Variants in POLE4 observed in about 807,000 individuals in gnomAD.
POLE4 encodes DNA polymerase epsilon subunit 4.
In POLE4, 15 loss-of-function variants were observed where a neutral mutation model predicts 15.6. That is an observed-to-expected ratio of 0.96 (90% CI 0.64 to 1.48). The LOEUF is 1.48. POLE4 is among the 40% of genes most tolerant of loss of function. The pLI, the probability that POLE4 is intolerant of heterozygous loss-of-function variation, is 0.00. For synonymous variants in POLE4, 83 were observed against 63.2 expected (o/e 1.31, Z -1.49); for missense variants, 205 against 151.9 (o/e 1.35, Z -1.84).
At chr2:74,965,090 A>ATTTTTTTTT (rs35849174) in intron 3 of POLE4, among the ~76,000 whole-genome samples, 1 of 124,940 alleles carries the variant, frequency 8.0e-6, no homozygotes, top group African/African-American at 3.1e-5. Flanking sequence ...CTTTTTATCT[A>ATTTTTTTTT]TTTTTTTTTT....
chr2:74,968,619 G>A (rs1292898189), intron 3 of POLE4, among the ~76,000 whole-genome samples: 1 of 150,290 alleles, frequency 6.7e-6, no homozygotes, highest in Non-Finnish European at 1.5e-5. Flanking sequence ...AGAGCCCTGT[G>A]ATCTTTGTTT....
intron 3 of POLE4, among the ~76,000 whole-genome samples, chr2:74,967,334 T>C (rs1287807420): frequency 6.6e-6 from 1 of 152,028 alleles, no homozygotes; most frequent in Non-Finnish European, 1.5e-5. Flanking sequence ...TTTTTTTTTT[T>C]TAGTTTCAGT....
chr2:74,960,784 A>T (rs1489095084), intron 3 of POLE4, among the ~76,000 whole-genome samples: 4 of 152,260 alleles, frequency 2.6e-5, no homozygotes, highest in Admixed American at 2.6e-4. Flanking sequence ...GACTGCTCAC[A>T]TGAGGGTGGT....
Position 74,958,893 on chromosome 2 carries a change from G to T in POLE4, c.213+1G>T. The T allele has an allele frequency of 6.4e-7, 1 of 1,553,748 alleles. No individual in the cohort carries two copies. Among genetic ancestry groups the T allele is most frequent in the Non-Finnish European group, 8.7e-7 (1 of 1,148,198 alleles). On this transcript the variant is annotated splice_donor_variant, in intron 1 of 3. Transcript: ENST00000483063. LOFTEE classifies it high-confidence loss of function. Reference sequence around the variant, plus strand: ...CATCTTCATTCTGGCACGAGCCGCGGTGCGCCTGCAGCGCGAGGGCATGCG... The same window carrying T: ...CATCTTCATTCTGGCACGAGCCGCGTTGCGCCTGCAGCGCGAGGGCATGCG...
At chr2:74,968,960 G>A (rs1671328886) in intron 3 of POLE4, among the ~76,000 whole-genome samples, 1 of 151,950 alleles carries the variant, frequency 6.6e-6, no homozygotes, top group Admixed American at 6.6e-5. Context: ...ATTTGTTGTA[G>A]ATTTATACTT....
chr2:74,968,436 G>A (rs1671323603), intron 3 of POLE4, among the ~76,000 whole-genome samples: 1 of 152,066 alleles, frequency 6.6e-6, no homozygotes, highest in Non-Finnish European at 1.5e-5. Flanking sequence ...GTGTGTATGG[G>A]ATGAGGGGGT....
rs1221126266 is a variant in POLE4 at position 74,970,008 on chromosome 2, A to G, written c.*586A>G. 2 of 152,508 alleles carry G rather than the reference A, an allele frequency of 1.3e-5. No homozygotes were observed. Among genetic ancestry groups the G allele is most frequent in the East Asian group, 1.9e-4 (1 of 5,206 alleles). 9.4% of individuals were successfully genotyped at this position (152,508 alleles called of 1,614,324 possible). On this transcript the variant is annotated 3_prime_UTR_variant, in exon 4 of 4. Coordinates refer to ENST00000483063, the MANE Select transcript of POLE4 (RefSeq NM_019896.4). ...ATTTATTGACATATCCACATACTCT[A>G]TATTTCACCAATTTAAAGTGTACAA...
In POLE4 at chr2:74,958,789, G is replaced by T. The variant is rs1425245599; in HGVS notation, c.110G>T (p.Arg37Leu). ...GCCCCAACGAGTGTGCCTGGGGCTC[G>T]TCTCTCGAGGTTGCCTCTGGCGCGA... ...PQAPTSVPGA[R>L]LSRLPLARVK... The change falls in exon 1 of 4, where the codon CGT becomes CTT. Residue 37 changes from arginine to leucine, a missense_variant. Physicochemically the swap from Arg to Leu is moderately radical, Grantham distance 102. Transcript: ENST00000483063. The T allele has an allele frequency of 1.3e-6, 2 of 1,551,536 alleles. No individual in the cohort carries two copies. Among genetic ancestry groups the T allele is most frequent in the Admixed American group, 3.9e-5 (2 of 51,072 alleles).
At chr2:74,968,033 G>A (rs552833337) in intron 3 of POLE4, among the ~76,000 whole-genome samples, 53 of 152,254 alleles carry the variant, frequency 3.5e-4, no homozygotes, top group African/African-American at 1.1e-3. Context: ...ACAAATAACC[G>A]CCCAGTTTCT....
chr2:74,959,124 C>A, intron 1 of POLE4: 1 of 610,002 alleles, frequency 1.6e-6, no homozygotes, highest in Non-Finnish European at 2.9e-6. Flanking sequence ...TCCAGGGCCT[C>A]GTACAGAACT....
chr2:74,959,797 A>G (rs1250000323), intron 2 of POLE4: 6 of 457,628 alleles, frequency 1.3e-5, no homozygotes, highest in Admixed American at 3.9e-5. Context: ...CCCTGCGTCT[A>G]TTGCCACGTT....
intron 3 of POLE4, chr2:74,961,234 C>CT (rs1008035407): frequency 6.6e-6 from 1 of 152,236 alleles, no homozygotes; most frequent in African/African-American, 2.4e-5. Flanking sequence ...TTATTCCACT[C>CT]TTTTTTACTC....
At chr2:74,965,940 A>G (rs1290444205) in intron 3 of POLE4, among the ~76,000 whole-genome samples, 4 of 152,194 alleles carry the variant, frequency 2.6e-5, no homozygotes, top group East Asian at 3.8e-4. Flanking sequence ...GTCTGTGTCT[A>G]TAACTGGAGC....
chr2:74,959,367 A>C lies in POLE4; in HGVS notation c.240A>C (p.Lys80Asn). The change falls in exon 2 of 4, where the codon AAA (lysine) becomes AAC (asparagine). Residue 80 changes from lysine (K) to asparagine (N), a missense_variant. By Grantham distance (94) the Lys-to-Asn change is moderately conservative (BLOSUM62 0). Coordinates refer to ENST00000483063, the MANE Select transcript of POLE4 (RefSeq NM_019896.4). ...AAELFVETIA[K>N]DAYCCAQQGK... ...AACTGTTTGTGGAGACCATTGCAAA[A>C]GATGCCTACTGTTGCGCTCAGCAGG... 6.2e-7 allele frequency: 1 copy of C among 1,613,902 alleles called. No homozygotes were observed. The highest frequency in any genetic ancestry group is 2.2e-5 in the East Asian group (1 of 44,880).
chr2:74,966,990 T>G (rs531650005), intron 3 of POLE4, among the ~76,000 whole-genome samples: 1 of 152,322 alleles, frequency 6.6e-6, no homozygotes, highest in East Asian at 1.9e-4. Flanking sequence ...AGTTTATCCT[T>G]TTTGTTTTTT....
intron 3 of POLE4, among the ~76,000 whole-genome samples, chr2:74,967,105 A>G (rs1209768561): frequency 6.6e-6 from 1 of 152,142 alleles, no homozygotes; most frequent in East Asian, 1.9e-4. Context: ...GAATCTATAG[A>G]TTAATGTCTT....
At position 74,960,173 on chromosome 2, in the gene POLE4, T is replaced by A. The variant is rs1014417532; in HGVS notation, c.340+27T>A. The A allele has an allele frequency of 1.9e-6, 3 of 1,586,614 alleles. No homozygotes were observed. The African/African-American group carries it at 4.0e-5, about 21-fold the overall frequency. ...TGAGTTCCCTCTCAGTGGGCAATCATTTCCGCCTGTCTTTTGCATGTTGAT... is the reference window on the plus strand; with the variant it reads ...TGAGTTCCCTCTCAGTGGGCAATCAATTCCGCCTGTCTTTTGCATGTTGAT... On this transcript the variant is annotated intron_variant, in intron 3 of 3. Transcript: ENST00000483063.
chr2:74,960,146 G>A lies in POLE4; in HGVS notation c.340G>A (p.Gly114Ser). Residue 114 changes from glycine (G) to serine (S), a missense_variant and splice_region_variant, in exon 3 of 4, where the codon GGT becomes AGT. Transcript: ENST00000483063. ...TGTGGATGAATTTGCTTTTCTGGAA[G>A]GTGAGTTCCCTCTCAGTGGGCAATC... ...EAVDEFAFLE[G>S]TLD 1 of 1,612,266 alleles carries A rather than the reference G, an allele frequency of 6.2e-7. No individual in the cohort carries two copies. Among genetic ancestry groups the A allele is most frequent in the Non-Finnish European group, 8.5e-7 (1 of 1,178,354 alleles).
intron 2 of POLE4, 150 bp from the exon 3 acceptor site, chr2:74,959,955 T>C: frequency 3.0e-6 from 2 of 667,292 alleles, no homozygotes; most frequent in Non-Finnish European, 5.4e-6. Context: ...GCTGGTAGAG[T>C]AGATATGGAT....
Sources: gnomAD v4.1 joint callset for allele counts (sites outside exome capture counted in the v4.1 genomes callset) on GRCh38, gnomAD v4.1.1 for gene constraint, MANE v1.5 for transcripts, NCBI Gene and HGNC (gene_info 2026-07-23, HGNC 2026-07-21) for gene names.